Variants in NUP160 observed in about 807,000 individuals in gnomAD.
NUP160 encodes the protein nucleoporin 160.
Under a neutral mutation model 196.9 loss-of-function variants are expected in NUP160, and 94 were observed. The ratio of observed to expected loss-of-function variants is 0.48; its 90% CI spans 0.40 to 0.57. NUP160 has a LOEUF of 0.57. Among genes scored for constraint, NUP160 ranks in the 20% least tolerant of loss-of-function variants. The pLI is 0.00. For missense variants in NUP160, 1,638 were observed against 1,748.3 expected, an observed-to-expected ratio of 0.94 and a Z score of 1.13; for synonymous variants, 605 against 619.7, an observed-to-expected ratio of 0.98 and a Z score of 0.35.
chr11:47,807,113 T>A (rs1200272656), exon 19 of NUP160: 1 of 1,611,446 alleles, frequency 6.2e-7, no homozygotes, highest in African/African-American at 1.3e-5. Context: ...TTAATTCCAG[T>A]ACTGATAAGT....
chr11:47,822,210 T>A (rs764595389), intron 7 of NUP160, 46 bp from the exon 8 acceptor site: 2 of 1,369,030 alleles, frequency 1.5e-6, no homozygotes, highest in Middle Eastern at 1.8e-4. Context: ...ATAATCAACA[T>A]GTTACTTTTC....
At chr11:47,812,471 C>T (rs781633017) in intron 15 of NUP160, 42 bp from the exon 16 acceptor site, 12 of 1,583,514 alleles carry the variant, frequency 7.6e-6, no homozygotes, top group South Asian at 3.4e-5. Flanking sequence ...ACCGAGAATA[C>T]GTAAGGCAAG....
At chr11:47,797,226 A>G (rs1335052380) in intron 27 of NUP160, among the ~76,000 whole-genome samples, 2 of 152,110 alleles carry the variant, frequency 1.3e-5, no homozygotes, top group Non-Finnish European at 2.9e-5. Context: ...CTAGTGAAAA[A>G]GCTAATTTCC....
chr11:47,847,873 C>A, exon 2 of NUP160: 2 of 1,613,534 alleles, frequency 1.2e-6, no homozygotes, highest in Non-Finnish European at 1.7e-6. Context: ...TTTCTGGTTA[C>A]GGAGAACAAC....
intron 7 of NUP160, among the ~76,000 whole-genome samples, chr11:47,828,823 C>CCATTGGG (rs1450269369): frequency 6.6e-6 from 1 of 151,928 alleles, no homozygotes; most frequent in East Asian, 1.9e-4. Context: ...GGTGCCAAGA[C>CCATTGGG]CATTCAATGT....
intron 6 of NUP160, 106 bp from the exon 7 acceptor site, chr11:47,835,915 TTTATC>T: frequency 1.1e-6 from 1 of 913,314 alleles, no homozygotes; most frequent in Non-Finnish European, 1.6e-6. Context: ...CTCTATCTAG[TTTATC>T]TGCTAAAAGA....
intron 1 of NUP160, 47 bp downstream of exon 1, chr11:47,848,172 G>C: frequency 6.3e-7 from 1 of 1,597,446 alleles, no homozygotes. Context: ...CATGAGAGGA[G>C]CCCGAGGGGA....
At chr11:47,782,754 GTTCAAGCGA>G (rs1381611880) in intron 34 of NUP160, among the ~76,000 whole-genome samples, 1 of 152,036 alleles carries the variant, frequency 6.6e-6, no homozygotes, top group Admixed American at 6.6e-5. Flanking sequence ...TGCCTCCCAG[GTTCAAGCGA>G]TTCTCCTGCC....
rs530402180 is a variant in NUP160 at position 47,848,218 on chromosome 11, C to G, written c.202+1G>C. On this transcript the variant is annotated splice_donor_variant, in intron 1 of 35. Transcript: ENST00000378460. LOFTEE classifies it high-confidence loss of function. Reference sequence around the variant, plus strand: ...CGCACCCTCCCTGGCCATTTCCGTACCAATGCTGCAGACTGTGAATTCCCG... The same window carrying G: ...CGCACCCTCCCTGGCCATTTCCGTAGCAATGCTGCAGACTGTGAATTCCCG... 6.2e-7 allele frequency: 1 copy of G among 1,614,192 alleles called. No individual in the cohort carries two copies. Among genetic ancestry groups the G allele is most frequent in the South Asian group, 1.1e-5 (1 of 91,086 alleles).
chr11:47,835,483 C>T (rs962021202), intron 7 of NUP160, among the ~76,000 whole-genome samples, 168 bp downstream of exon 7: 38 of 119,488 alleles, frequency 3.2e-4, no homozygotes, highest in African/African-American at 1.0e-3. Context: ...TCATACTGAC[C>T]CCTCCTTCAA....
exon 1 of NUP160, chr11:47,848,410 A>T (rs773807670): frequency 1.9e-6 from 3 of 1,577,552 alleles, no homozygotes; most frequent in South Asian, 1.1e-5. Context: ...AGCTGCGGAC[A>T]GGTGAAGCAT....
In NUP160 at chr11:47,786,450, T is replaced by C; in HGVS notation, c.3848+3A>G. On this transcript the variant is annotated splice_donor_region_variant and intron_variant, in intron 32 of 35. Coordinates refer to ENST00000378460, the Ensembl canonical transcript of NUP160. ...TACCCAGGGTTGAACACCAGGGTTG[T>C]ACCTAGACTCCTTAGTAGTGATGAC... 6.2e-7 allele frequency: 1 copy of C among 1,603,674 alleles called. No individual in the cohort carries two copies. The highest frequency in any genetic ancestry group is 8.5e-7 in the Non-Finnish European group (1 of 1,170,570).
chr11:47,841,477 C>T, intron 2 of NUP160: 1 of 406,442 alleles, frequency 2.5e-6, no homozygotes, highest in Non-Finnish European at 4.8e-6. Flanking sequence ...AGTGAACCTG[C>T]AGTACAATGA....
chr11:47,798,204 G>T, exon 25 of NUP160: 1 of 1,612,576 alleles, frequency 6.2e-7, no homozygotes, highest in Non-Finnish European at 8.5e-7. Flanking sequence ...GGCTTCATAT[G>T]CTTGGCTATT....
intron 29 of NUP160, 39 bp downstream of exon 29, chr11:47,791,891 A>G (rs755540846): frequency 2.3e-6 from 3 of 1,304,552 alleles, no homozygotes; most frequent in Non-Finnish European, 3.3e-6. Flanking sequence ...CAACATTACT[A>G]CTGTCTAGCA....
chr11:47,820,380 A>G (rs1003246511), intron 9 of NUP160: 11 of 152,132 alleles, frequency 7.2e-5, no homozygotes, highest in African/African-American at 2.7e-4. Context: ...TACCAAATAT[A>G]TCTAACATTA....
At chr11:47,839,496 G>A (rs1364521631) in intron 4 of NUP160, 1 of 258,438 alleles carries the variant, frequency 3.9e-6, no homozygotes, top group Non-Finnish European at 7.5e-6. Context: ...GCAAGACACA[G>A]TGGCAACTTG....
intron 9 of NUP160, among the ~76,000 whole-genome samples, chr11:47,820,782 C>T (rs1851841273): frequency 6.6e-6 from 1 of 152,096 alleles, no homozygotes; most frequent in Non-Finnish European, 1.5e-5. Context: ...AAACTTCCAA[C>T]CTTGTGATCT....
chr11:47,788,496 CCT>C lies in NUP160; in HGVS notation c.3622+3_3622+4del. 1 of 1,611,188 alleles carries C rather than the reference CCT, an allele frequency of 6.2e-7. No individual in the cohort carries two copies. The highest frequency in any genetic ancestry group is 8.5e-7 in the Non-Finnish European group (1 of 1,177,538). On this transcript the variant is annotated splice_donor_region_variant and intron_variant, in intron 30 of 35. Coordinates refer to ENST00000378460, the Ensembl canonical transcript of NUP160. ...GTCAGAGGCTTTAAACTCTTGAATTCCTACCAGCAACTGCAACCGCTGATGGA... is the reference window on the plus strand; with the variant it reads ...GTCAGAGGCTTTAAACTCTTGAATTCACCAGCAACTGCAACCGCTGATGGA...
Sources: allele counts gnomAD v4.1 joint callset (sites outside exome capture counted in the v4.1 genomes callset), GRCh38; gene constraint gnomAD v4.1.1; transcripts MANE v1.5; gene names NCBI Gene and HGNC (gene_info 2026-07-23, HGNC 2026-07-21).